Variants in FSIP2 observed in about 807,000 individuals in gnomAD.
FSIP2 encodes the protein fibrous sheath interacting protein 2.
Under a neutral mutation model 510.5 loss-of-function variants are expected in FSIP2, and 367 were observed. That is an observed-to-expected ratio of 0.72 (90% CI 0.66 to 0.78). The LOEUF (loss-of-function observed/expected upper bound fraction) is 0.78, where lower values mean the gene tolerates loss of function less well. Ranked by LOEUF, FSIP2 falls within the 30% of genes least tolerant of loss-of-function variation. The pLI is 0.00. For missense variants in FSIP2, 7,594 were observed against 7,901.7 expected (o/e 0.96, Z 1.48); for synonymous variants, 2,601 against 2,732.2 (o/e 0.95, Z 1.50).
intron 17 of FSIP2, among the ~76,000 whole-genome samples, chr2:185,812,183 C>T (rs549347935): frequency 6.6e-6 from 1 of 152,260 alleles, no homozygotes; most frequent in South Asian, 2.1e-4. Flanking sequence ...ACCAGTGCTG[C>T]AAAAACCACA....
rs762923530 is a variant in FSIP2, at chr2:185,753,731, C to T, written c.880C>T (p.Leu294Phe). Residue 294 changes from leucine to phenylalanine, a missense_variant, in exon 8 of 23, where the codon CTT becomes TTT. Physicochemically the swap from Leu to Phe is conservative, Grantham distance 22 (BLOSUM62 0). Transcript: ENST00000424728. ...TTCTTTAATATTGTAGAAACAAGAT[C>T]TTCTAGAGAAAAAAATGGCTTATCA... Reference protein sequence around the residue: ...REESDRKKQDLLEKKMAYHLQ... With the variant: ...REESDRKKQDFLEKKMAYHLQ... 1 of 1,197,292 alleles carries T rather than the reference C, an allele frequency of 8.4e-7. No individual in the cohort carries two copies. The allele number at this position is 1,197,292 out of a possible 1,614,324, so 74.2% of individuals were successfully genotyped here. A position where few individuals can be genotyped will look rare whatever the true frequency, so the allele number is the denominator to read the frequency against.
intron 7 of FSIP2, among the ~76,000 whole-genome samples, chr2:185,752,437 T>C (rs1027650500): frequency 2.0e-5 from 3 of 151,348 alleles, no homozygotes; most frequent in African/African-American, 2.4e-5. Flanking sequence ...ATTGGTGTTT[T>C]GGGCTTCTTG....
In FSIP2 at chr2:185,796,289, T is replaced by G. The variant is rs1693275405; in HGVS notation, c.9153T>G (p.Asp3051Glu). The change falls in exon 16 of 23, where the codon GAT becomes GAG. Residue 3051 changes from aspartate (D) to glutamate (E), a missense_variant. Physicochemically the swap from Asp to Glu is conservative, Grantham distance 45. Coordinates refer to ENST00000424728, the MANE Select transcript of FSIP2 (RefSeq NM_173651.4). Reference sequence around the variant, plus strand: ...TACAACCACTGAAAATGTTTTCTGATAAATCCGAGTCAAATACTATTAATT... The same window carrying G: ...TACAACCACTGAAAATGTTTTCTGAGAAATCCGAGTCAAATACTATTAATT... ...PKLQPLKMFS[D>E]KSESNTINFK... 1 of 1,533,376 alleles carries G rather than the reference T, an allele frequency of 6.5e-7. No homozygotes were observed. The highest frequency in any genetic ancestry group is 8.7e-7 in the Non-Finnish European group (1 of 1,145,320). 95.0% of individuals were successfully genotyped at this position (1,533,376 alleles called of 1,614,324 possible).
chr2:185,758,749 A>G (rs910868502), intron 9 of FSIP2, among the ~76,000 whole-genome samples: 1 of 151,182 alleles, frequency 6.6e-6, no homozygotes, highest in African/African-American at 2.4e-5. Flanking sequence ...TGCTTTGGCA[A>G]CTTTGAAAAT....
Position 185,789,971 on chromosome 2 carries a change from C to T in FSIP2, c.2835C>T (p.Leu945=). The T allele has an allele frequency of 6.5e-7, 1 of 1,534,108 alleles. No individual in the cohort carries two copies. The highest frequency in any genetic ancestry group is 8.7e-7 in the Non-Finnish European group (1 of 1,145,614). The change falls in exon 16 of 23, where the codon CTC becomes CTT. Residue 945 remains leucine (L), a synonymous_variant. Coordinates refer to ENST00000424728, the MANE Select transcript of FSIP2 (RefSeq NM_173651.4). ...LQLLEDILFQ[L]HQEPVNESFQ... is the part of the protein sequence containing the mutation. ...TACTTGAGGACATCCTTTTTCAGCT[C>T]CATCAGGAACCAGTAAATGAAAGTT...
intron 9 of FSIP2, among the ~76,000 whole-genome samples, chr2:185,757,663 T>A (rs1349622235): frequency 2.6e-5 from 3 of 113,220 alleles, no homozygotes; most frequent in East Asian, 5.1e-4. Flanking sequence ...TATACTCTTA[T>A]GAGAAATTTG....
chr2:185,764,718 T>C, intron 13 of FSIP2, 153 bp downstream of exon 13: 2 of 576,436 alleles, frequency 3.5e-6, no homozygotes, highest in Non-Finnish European at 6.2e-6. Context: ...TCTTACAGTA[T>C]ACTTGGAAAG....
rs1411296260 is a variant in FSIP2 at position 185,762,009 on chromosome 2, A to C, written c.1232A>C (p.Asp411Ala). The change falls in exon 11 of 23, where the codon GAT becomes GCT. Residue 411 changes from aspartate to alanine, a missense_variant. By Grantham distance (126) the Asp-to-Ala change is moderately radical. Transcript: ENST00000424728. ...GTATCTAAAAACTCAAGTATTTTCG[A>C]TGATAGAGGTAAGAAAATAAACAAT... ...GMVSKNSSIFDDRGGINISGQ... is the reference protein window; with the variant it reads ...GMVSKNSSIFADRGGINISGQ... The C allele has an allele frequency of 9.6e-6, 14 of 1,454,140 alleles. No homozygotes were observed. The highest frequency in any genetic ancestry group is 1.3e-5 in the Non-Finnish European group (14 of 1,075,620). The allele number at this position is 1,454,140 out of a possible 1,614,324, so 90.1% of individuals were successfully genotyped here.
At chr2:185,780,253 A>ATAT (rs1240343675) in intron 13 of FSIP2, among the ~76,000 whole-genome samples, 22 of 151,856 alleles carry the variant, frequency 1.4e-4, no homozygotes, top group African/African-American at 5.1e-4. Flanking sequence ...TCCTCTTTCT[A>ATAT]TATTGCCTCT....
intron 21 of FSIP2, 91 bp from the exon 22 acceptor site, chr2:185,831,712 TGGTATTTATA>T (rs1694112081): frequency 1.3e-6 from 1 of 741,034 alleles, no homozygotes; most frequent in Non-Finnish European, 2.5e-6. Context: ...GATGCTGTAG[TGGTATTTATA>T]GGTATATCTA....
rs1431478425 is a variant in FSIP2 at position 185,802,874 on chromosome 2, G to A, written c.13568G>A (p.Arg4523Gln). The change falls in exon 17 of 23, where the codon CGA becomes CAA. Residue 4523 changes from arginine to glutamine, a missense_variant. Arg to Gln is a conservative substitution (Grantham distance 43). Transcript: ENST00000424728. ...IRMKVSQHEI[R>Q]FSKEEEETKF... Reference sequence around the variant, plus strand: ...ATGAAAGTTTCCCAACATGAAATTCGATTTTCAAAAGAGGAAGAAGAAACC... The same window carrying A: ...ATGAAAGTTTCCCAACATGAAATTCAATTTTCAAAAGAGGAAGAAGAAACC... The A allele has an allele frequency of 9.3e-6, 14 of 1,498,718 alleles. No homozygotes were observed. The East Asian group carries it at 1.5e-4, about 16-fold the overall frequency. The allele number at this position is 1,498,718 out of a possible 1,614,324, so 92.8% of individuals were successfully genotyped here.
chr2:185,751,931 C>A (rs930774575), intron 7 of FSIP2, among the ~76,000 whole-genome samples: 5 of 151,062 alleles, frequency 3.3e-5, no homozygotes, highest in African/African-American at 1.2e-4. Flanking sequence ...ATAATTCCCA[C>A]AATACATTGC....
In FSIP2 at chr2:185,797,440, A is replaced by T. The variant is rs1693319223; in HGVS notation, c.10304A>T (p.His3435Leu). The T allele has an allele frequency of 1.3e-6, 2 of 1,531,802 alleles. No homozygotes were observed. The allele number at this position is 1,531,802 out of a possible 1,614,324, so 94.9% of individuals were successfully genotyped here. Residue 3435 changes from histidine (H) to leucine (L), a missense_variant, in exon 16 of 23, where the codon CAT becomes CTT. Transcript: ENST00000424728. Reference sequence around the variant, plus strand: ...GTTGAAGCCTTTACTTTTGCTGATCATGAAATGGGTTCCAATGAAGTTCAT... The same window carrying T: ...GTTGAAGCCTTTACTTTTGCTGATCTTGAAATGGGTTCCAATGAAGTTCAT... The part of the protein sequence containing the change: ...KEVEAFTFAD[H>L]EMGSNEVHLI...
chr2:185,787,383 A>C (rs1398743803), intron 15 of FSIP2, among the ~76,000 whole-genome samples: 2 of 151,676 alleles, frequency 1.3e-5, no homozygotes, highest in Non-Finnish European at 3.0e-5. Flanking sequence ...GTCAGAAGAG[A>C]GTGTGCTACA....
chr2:185,813,705 C>T lies in FSIP2; in HGVS notation c.19988C>T (p.Ser6663Phe). 6.2e-7 allele frequency: 1 copy of T among 1,609,864 alleles called. No homozygotes were observed. Among genetic ancestry groups the T allele is most frequent in the Non-Finnish European group, 8.5e-7 (1 of 1,177,650 alleles). ...LENYIKEERD[S>F]DEDEVVLTQT... ...AATTACATAAAAGAGGAACGAGATT[C>T]TGATGAAGATGAAGTTGTTTTAACA... Residue 6663 changes from serine (S) to phenylalanine (F), a missense_variant, in exon 18 of 23, where the codon TCT (serine) becomes TTT (phenylalanine). Transcript: ENST00000424728.
intron 13 of FSIP2, among the ~76,000 whole-genome samples, chr2:185,775,953 G>A (rs898999558): frequency 7.2e-5 from 11 of 152,150 alleles, no homozygotes; most frequent in Admixed American, 3.9e-4. Flanking sequence ...GTGAGCCATC[G>A]CACCTGGCCA....
Position 185,804,874 on chromosome 2 carries a change from T to G in FSIP2, c.15568T>G (p.Leu5190Val). 1.3e-6 allele frequency: 2 copies of G among 1,523,100 alleles called. No homozygotes were observed. Among genetic ancestry groups the G allele is most frequent in the Non-Finnish European group, 8.8e-7 (1 of 1,141,792 alleles). 94.3% of individuals were successfully genotyped at this position (1,523,100 alleles called of 1,614,324 possible). A position where few individuals can be genotyped will look rare whatever the true frequency, so the allele number is the denominator to read the frequency against. The change falls in exon 17 of 23, where the codon TTG becomes GTG. Residue 5190 changes from leucine to valine, a missense_variant. Leu to Val is a conservative substitution (Grantham distance 32). Coordinates refer to ENST00000424728, the MANE Select transcript of FSIP2 (RefSeq NM_173651.4). Reference sequence around the variant, plus strand: ...TATGCAGTTAGAACCTATTGAAAATTTGGTCGACTCCATATGTAATAATAT... The same window carrying G: ...TATGCAGTTAGAACCTATTGAAAATGTGGTCGACTCCATATGTAATAATAT... ...ESMQLEPIEN[L>V]VDSICNNILK...
At position 185,738,989 on chromosome 2, in the gene FSIP2, G is replaced by A. The variant is rs1691860375; in HGVS notation, c.95G>A (p.Arg32Lys). 2 of 1,532,814 alleles carry A rather than the reference G, an allele frequency of 1.3e-6. No homozygotes were observed. Among genetic ancestry groups the A allele is most frequent in the East Asian group, 2.4e-5 (1 of 40,882 alleles). The allele number at this position is 1,532,814 out of a possible 1,614,324, so 95.0% of individuals were successfully genotyped here. A position where few individuals can be genotyped will look rare whatever the true frequency, so the allele number is the denominator to read the frequency against. Reference protein sequence around the residue: ...SVLAADTQQCRDGVHKTHFAG... With the variant: ...SVLAADTQQCKDGVHKTHFAG... The stretch of plus-strand genomic sequence containing the variant: ...CTGGCCGCGGACACCCAGCAGTGCA[G>A]AGACGTGAGTGGCCGCAAGCTGGGC... Residue 32 changes from arginine (R) to lysine (K), a missense_variant, in exon 1 of 23, where the codon AGA becomes AAA. Arg to Lys is a conservative substitution (Grantham distance 26, BLOSUM62 2). Coordinates refer to ENST00000424728, the MANE Select transcript of FSIP2 (RefSeq NM_173651.4).
In FSIP2 at chr2:185,790,202, T is replaced by C. The variant is rs1373260107; in HGVS notation, c.3066T>C (p.Asp1022=). 7 of 1,530,766 alleles carry C rather than the reference T, an allele frequency of 4.6e-6. No homozygotes were observed. In the South Asian group the frequency reaches 4.8e-5, roughly 11 times the overall value. The allele number at this position is 1,530,766 out of a possible 1,614,324, so 94.8% of individuals were successfully genotyped here. Residue 1022 remains aspartate (D), a synonymous_variant, in exon 16 of 23, where the codon GAT becomes GAC. Transcript: ENST00000424728. ...VKNVLDSTFK[D]EKVKSQEQIP... The stretch of plus-strand genomic sequence containing the variant: ...ATGTGCTTGATTCAACTTTCAAAGA[T>C]GAAAAAGTAAAATCACAAGAACAGA...
Sources: allele counts gnomAD v4.1 joint callset (sites outside exome capture counted in the v4.1 genomes callset), GRCh38; gene constraint gnomAD v4.1.1; transcripts MANE v1.5; gene names NCBI Gene and HGNC (gene_info 2026-07-23, HGNC 2026-07-21).